Variants in SKAP1 observed in about 807,000 individuals in gnomAD.
SKAP1 encodes src kinase associated phosphoprotein 1, also known as src kinase-associated phosphoprotein 1.
Under a neutral mutation model 58.5 loss-of-function variants are expected in SKAP1, and 44 were observed. The ratio of observed to expected loss-of-function variants is 0.75; its 90% CI spans 0.59 to 0.97. SKAP1 has a LOEUF of 0.97. SKAP1 is among the 50% of genes least tolerant of loss of function. The pLI is 0.00. For synonymous variants in SKAP1, 127 were observed against 149.7 expected (o/e 0.85, Z 1.11); for missense variants, 390 against 435.2 (o/e 0.90, Z 0.92).
intron 4 of SKAP1, among the ~76,000 whole-genome samples, chr17:48,337,857 C>T (rs1416640282): frequency 6.6e-6 from 1 of 152,118 alleles, no homozygotes; most frequent in Admixed American, 6.6e-5. Context: ...GAAAAGCATG[C>T]TGAGATCATG....
chr17:48,367,317 A>T (rs1374018323), intron 2 of SKAP1, among the ~76,000 whole-genome samples: 1 of 151,968 alleles, frequency 6.6e-6, no homozygotes, highest in Non-Finnish European at 1.5e-5. Flanking sequence ...CAAACTTTCA[A>T]TTATAAGATG....
chr17:48,426,867 C>G (rs1487382602), intron 1 of SKAP1, among the ~76,000 whole-genome samples: 1 of 148,648 alleles, frequency 6.7e-6, no homozygotes, highest in Admixed American at 6.7e-5. Flanking sequence ...TTTTTAATTT[C>G]TCCACCTTCC....
intron 2 of SKAP1, among the ~76,000 whole-genome samples, chr17:48,364,330 T>C (rs1048313405): frequency 1.3e-5 from 2 of 152,198 alleles, no homozygotes; most frequent in Non-Finnish European, 2.9e-5. Flanking sequence ...CATAGCTCAC[T>C]GCAGCCTCGA....
chr17:48,344,478 G>A (rs1348922255), intron 4 of SKAP1, among the ~76,000 whole-genome samples: 4 of 152,146 alleles, frequency 2.6e-5, no homozygotes, highest in African/African-American at 7.2e-5. Context: ...TTGTGTTTGG[G>A]AAAGTTGGAA....
At chr17:48,401,369 T>TCAAAACTTACCA (rs2067497313) in intron 1 of SKAP1, among the ~76,000 whole-genome samples, 1 of 151,416 alleles carries the variant, frequency 6.6e-6, no homozygotes. Context: ...CTTTCTGACT[T>TCAAAACTTACCA]CAAAACTTAC....
chr17:48,271,589 T>G (rs1219493680), intron 4 of SKAP1, among the ~76,000 whole-genome samples: 1 of 152,092 alleles, frequency 6.6e-6, no homozygotes, highest in African/African-American at 2.4e-5. Context: ...CCTGAACTAC[T>G]GGCCTCAAGC....
At position 48,183,467 on chromosome 17, in the gene SKAP1, T is replaced by A. The variant is rs188542806; in HGVS notation, c.568-1010A>T. Among the ~76,000 whole-genome samples, 8 of 152,300 alleles carry A rather than the reference T, an allele frequency of 5.3e-5. No homozygotes were observed. In the East Asian group the frequency reaches 1.3e-3, roughly 26 times the overall value. ...TAAATGAATCAACTTGAAATAATTG[T>A]TCCTGAAAAATATTTTAATTATCTG... On this transcript the variant is annotated intron_variant, in intron 7 of 12. Coordinates refer to ENST00000336915, the MANE Select transcript of SKAP1 (RefSeq NM_003726.4).
chr17:48,444,038 G>A, the SKAP1 span, among the ~76,000 whole-genome samples: 3 of 151,672 alleles, frequency 2.0e-5, no homozygotes, highest in South Asian at 2.1e-4. Context: ...CAGTCATCAC[G>A]CTCCTTTTCC....
At chr17:48,253,468 G>T (rs1313956804) in intron 4 of SKAP1, among the ~76,000 whole-genome samples, 1 of 152,160 alleles carries the variant, frequency 6.6e-6, no homozygotes, top group Non-Finnish European at 1.5e-5. Context: ...GCAGTTTTAT[G>T]AGCAATGGCT....
At chr17:48,234,879 T>C (rs975682311) in intron 4 of SKAP1, among the ~76,000 whole-genome samples, 14 of 152,206 alleles carry the variant, frequency 9.2e-5, no homozygotes, top group Admixed American at 1.3e-4. Flanking sequence ...CAGACCCTGG[T>C]TTAAATTCTG....
At chr17:48,417,064 CT>C (rs1004464071) in intron 1 of SKAP1, among the ~76,000 whole-genome samples, 1 of 152,188 alleles carries the variant, frequency 6.6e-6, no homozygotes, top group Non-Finnish European at 1.5e-5. Flanking sequence ...AAGGCATATA[CT>C]TTTTACCTTT....
At chr17:48,282,155 C>T (rs1168509236) in intron 4 of SKAP1, among the ~76,000 whole-genome samples, 1 of 152,110 alleles carries the variant, frequency 6.6e-6, no homozygotes, top group Non-Finnish European at 1.5e-5. Flanking sequence ...TTCTTTTATG[C>T]CTTTCTGTTT....
At chr17:48,311,384 C>T (rs1423281086) in intron 4 of SKAP1, among the ~76,000 whole-genome samples, 1 of 152,142 alleles carries the variant, frequency 6.6e-6, no homozygotes, top group Non-Finnish European at 1.5e-5. Flanking sequence ...ATTACCAATA[C>T]GTAACTGCTA....
At chr17:48,266,979 C>T (rs1228756066) in intron 4 of SKAP1, among the ~76,000 whole-genome samples, 1 of 152,160 alleles carries the variant, frequency 6.6e-6, no homozygotes, top group Non-Finnish European at 1.5e-5. Flanking sequence ...GAAATGCTTT[C>T]ACTGCTTGAA....
chr17:48,221,645 G>A (rs778876117), intron 4 of SKAP1, among the ~76,000 whole-genome samples: 26 of 152,102 alleles, frequency 1.7e-4, no homozygotes, highest in East Asian at 3.9e-4. Flanking sequence ...AATTCTGTTC[G>A]TGCCGCAAGA....
intron 2 of SKAP1, among the ~76,000 whole-genome samples, chr17:48,375,134 A>G (rs2067136534): frequency 6.6e-6 from 1 of 152,216 alleles, no homozygotes; most frequent in Non-Finnish European, 1.5e-5. Context: ...ATAGAAGAAC[A>G]TATCACAAGA....
At chr17:48,415,144 C>A (rs2144593732) in intron 1 of SKAP1, among the ~76,000 whole-genome samples, 1 of 152,242 alleles carries the variant, frequency 6.6e-6, no homozygotes, top group African/African-American at 2.4e-5. Context: ...CTGTTGAAAA[C>A]AACTCCACCG....
chr17:48,142,800 C>A (rs2063784438), intron 11 of SKAP1, among the ~76,000 whole-genome samples: 2 of 151,958 alleles, frequency 1.3e-5, no homozygotes, highest in Non-Finnish European at 2.9e-5. Context: ...CTACACCACA[C>A]CTTCTTTTCT....
the SKAP1 span, among the ~76,000 whole-genome samples, chr17:48,440,396 G>A: frequency 6.6e-6 from 1 of 152,192 alleles, no homozygotes; most frequent in Admixed American, 6.5e-5. Context: ...AGGTCACTGA[G>A]GACTGGGACA....
Sources: gnomAD v4.1 joint callset for allele counts (sites outside exome capture counted in the v4.1 genomes callset) on GRCh38, gnomAD v4.1.1 for gene constraint, MANE v1.5 for transcripts, NCBI Gene and HGNC (gene_info 2026-07-23, HGNC 2026-07-21) for gene names.